CDH11: variants seen among roughly 807,000 people sequenced by gnomAD.
The protein encoded by CDH11 is cadherin-11.
A neutral mutation model predicts 67.8 loss-of-function variants in CDH11; 11 were observed. The ratio of observed to expected loss-of-function variants is 0.16; its 90% CI spans 0.10 to 0.27. The LOEUF (loss-of-function observed/expected upper bound fraction) is 0.27. Ranked by LOEUF, CDH11 falls within the 10% of genes least tolerant of loss-of-function variation. CDH11 has a pLI of 1.00. For synonymous variants in CDH11, 419 were observed against 400.0 expected (o/e 1.05, Z -0.57); for missense variants, 847 against 1,031.2 (o/e 0.82, Z 2.45).
At chr16:64,955,060 T>A (rs926737648) in intron 11 of CDH11, among the ~76,000 whole-genome samples, 3 of 150,980 alleles carry the variant, frequency 2.0e-5, no homozygotes, top group Non-Finnish European at 4.4e-5. Context: ...TACTGGCTAA[T>A]GCGGTGAAAC....
At chr16:64,958,494 T>C (rs1177892773) in intron 11 of CDH11, among the ~76,000 whole-genome samples, 3 of 152,228 alleles carry the variant, frequency 2.0e-5, no homozygotes. Flanking sequence ...TACTTTTACA[T>C]ACATTATCCC....
intron 1 of CDH11, among the ~76,000 whole-genome samples, chr16:65,074,366 C>T (rs997842142): frequency 1.3e-5 from 2 of 152,198 alleles, no homozygotes; most frequent in African/African-American, 4.8e-5. Context: ...ATTTAAAAAA[C>T]TCAGGGTTCA....
rs192187629 is a variant in CDH11 at position 65,027,752 on chromosome 16, T to C, written c.-172-22711A>G. 5.9e-3 allele frequency among the ~76,000 whole-genome samples: 902 copies of C among 152,308 alleles called. 9 individuals are homozygous for C. The highest frequency in any genetic ancestry group is 5.8e-3 in the Non-Finnish European group (396 of 68,036). On this transcript the variant is annotated intron_variant, in intron 2 of 12. Transcript: ENST00000268603. The stretch of plus-strand genomic sequence containing the variant: ...CTGCTCCTGCTTCTGAATACAACCA[T>C]GACATTGGCTTGGACTCTCAGCAAC...
intron 1 of CDH11, among the ~76,000 whole-genome samples, chr16:65,109,563 C>T (rs1011817574): frequency 1.3e-5 from 2 of 152,150 alleles, no homozygotes; most frequent in East Asian, 1.9e-4. Flanking sequence ...AGCTAAGATG[C>T]GACTTGAGGC....
At chr16:65,092,857 C>T (rs994580984) in intron 1 of CDH11, among the ~76,000 whole-genome samples, 2 of 150,430 alleles carry the variant, frequency 1.3e-5, no homozygotes, top group Admixed American at 1.3e-4. Context: ...ACCCTGAAGT[C>T]AAGTCACTTA....
chr16:65,021,629 A>G (rs1311207209), intron 2 of CDH11, among the ~76,000 whole-genome samples: 1 of 140,738 alleles, frequency 7.1e-6, no homozygotes, highest in East Asian at 2.0e-4. Context: ...TCAACAATAG[A>G]GCTCTTTAAA....
intron 1 of CDH11, among the ~76,000 whole-genome samples, chr16:65,057,658 A>T (rs986247698): frequency 1.3e-5 from 2 of 151,978 alleles, no homozygotes; most frequent in Non-Finnish European, 2.9e-5. Flanking sequence ...TCCTTTTTCC[A>T]CTTTCCCTCT....
At chr16:65,060,301 A>G (rs2074215397) in intron 1 of CDH11, among the ~76,000 whole-genome samples, 1 of 151,182 alleles carries the variant, frequency 6.6e-6, no homozygotes, top group Non-Finnish European at 1.5e-5. Context: ...AAGTTAGAAT[A>G]AGGGGAAATA....
At chr16:65,092,751 C>T (rs1443395888) in intron 1 of CDH11, among the ~76,000 whole-genome samples, 2 of 149,060 alleles carry the variant, frequency 1.3e-5, no homozygotes, top group Non-Finnish European at 3.0e-5. Flanking sequence ...TCTTGGGACA[C>T]TGAGGTTCCT....
At position 64,973,036 on chromosome 16, in the gene CDH11, A is replaced by C. The variant is rs1426462345; in HGVS notation, c.1258T>G (p.Ser420Ala). The C allele has an allele frequency of 6.2e-7, 1 of 1,613,442 alleles. No individual in the cohort carries two copies. Among genetic ancestry groups the C allele is most frequent in the Admixed American group, 1.7e-5 (1 of 59,988 alleles). ...PDAANSPIRY[S>A]IDRHTDLDRF... ...TCGAGGTCAGTGTGACGATCGATGG[A>C]ATACCTAAGCAGAATGCAAATGAGG... Residue 420 changes from serine (S) to alanine (A), a missense_variant, in exon 9 of 13, where the codon TCC (serine) becomes GCC (alanine). Ser to Ala is a moderately conservative substitution (Grantham distance 99). This residue lies in a region of CDH11 where 612 missense variants were observed against 678.7 expected (regional missense o/e 0.90). Coordinates refer to ENST00000268603, the MANE Select transcript of CDH11 (RefSeq NM_001797.4).
chr16:65,036,170 G>T (rs1424745199), intron 2 of CDH11, among the ~76,000 whole-genome samples: 2 of 152,134 alleles, frequency 1.3e-5, no homozygotes, highest in African/African-American at 4.8e-5. Context: ...GCTCTAAGAG[G>T]CTAAATAGCT....
chr16:64,993,030 C>T lies in CDH11; in HGVS notation c.528G>A (p.Thr176=), dbSNP rs373611223. Residue 176 remains threonine, a synonymous_variant, in exon 5 of 13, where the codon ACG becomes ACA. Coordinates refer to ENST00000268603, the MANE Select transcript of CDH11 (RefSeq NM_001797.4). ...ANVPERSNVG[T]SVIQVTASDA... is the part of the protein sequence containing the mutation. ...CTGAAGCTGTCACCTGGATTACTGACGTTCCTTAAAAGTGAAATAAATTAA... is the reference window on the plus strand; with the variant it reads ...CTGAAGCTGTCACCTGGATTACTGATGTTCCTTAAAAGTGAAATAAATTAA... 4.0e-5 allele frequency: 64 copies of T among 1,610,090 alleles called. No individual in the cohort carries two copies. Among genetic ancestry groups the T allele is most frequent in the Middle Eastern group, 1.6e-4 (1 of 6,082 alleles).
chr16:65,093,436 G>T (rs2074829027), intron 1 of CDH11, among the ~76,000 whole-genome samples: 1 of 151,974 alleles, frequency 6.6e-6, no homozygotes, highest in Non-Finnish European at 1.5e-5. Flanking sequence ...GCTCTCAGTG[G>T]CTCTGAGCCT....
chr16:65,031,910 T>C (rs2073650918), intron 2 of CDH11, among the ~76,000 whole-genome samples: 1 of 152,074 alleles, frequency 6.6e-6, no homozygotes, highest in Non-Finnish European at 1.5e-5. Flanking sequence ...AATAAATGAA[T>C]GTCTACTTTA....
intron 3 of CDH11, among the ~76,000 whole-genome samples, chr16:65,000,949 T>G (rs1310601450): frequency 6.6e-6 from 1 of 152,038 alleles, no homozygotes; most frequent in East Asian, 1.9e-4. Flanking sequence ...ATTTATTATT[T>G]TGATTTAAAT....
chr16:65,111,086 T>C (rs1312350885), intron 1 of CDH11, among the ~76,000 whole-genome samples: 2 of 152,140 alleles, frequency 1.3e-5, no homozygotes, highest in Non-Finnish European at 2.9e-5. Flanking sequence ...AACCAACCCA[T>C]AGCATGAGAC....
At chr16:65,033,438 T>C (rs1204879095) in intron 2 of CDH11, among the ~76,000 whole-genome samples, 8 of 152,142 alleles carry the variant, frequency 5.3e-5, no homozygotes, top group Admixed American at 2.6e-4. Flanking sequence ...TTAAAATTAA[T>C]GATAAAAATT....
chr16:64,953,105 A>ATTTTGTATTATTTTGCAT (rs1253908709), intron 11 of CDH11, among the ~76,000 whole-genome samples: 3 of 151,982 alleles, frequency 2.0e-5, no homozygotes, highest in Non-Finnish European at 4.4e-5. Context: ...GTAGTTTCAA[A>ATTTTGTATTATTTTGCAT]TTTTGTATTA....
At chr16:65,106,751 G>T (rs949108474) in intron 1 of CDH11, among the ~76,000 whole-genome samples, 7 of 152,310 alleles carry the variant, frequency 4.6e-5, no homozygotes, top group African/African-American at 1.7e-4. Flanking sequence ...CTTCATGTAT[G>T]CCAGGGCTGG....
Sources: allele counts gnomAD v4.1 joint callset (sites outside exome capture counted in the v4.1 genomes callset), GRCh38; gene constraint gnomAD v4.1.1; regional missense constraint gnomAD v4.1.1; transcripts MANE v1.5; gene names NCBI Gene and HGNC (gene_info 2026-07-23, HGNC 2026-07-21).